The following ECM1 variants were observed in gnomAD, a reference collection of about 807,000 sequenced individuals.
ECM1 encodes the protein secretory component p85.
Under a neutral mutation model 57.9 loss-of-function variants are expected in ECM1, and 54 were observed. The observed-to-expected ratio is 0.93, with a 90% CI of 0.75 to 1.17. The LOEUF is 1.17. Among genes scored for constraint, ECM1 ranks in the 50% most tolerant of loss-of-function variants. The pLI is 0.00. For missense variants in ECM1, 649 were observed against 688.1 expected, an observed-to-expected ratio of 0.94 and a Z score of 0.64; for synonymous variants, 237 against 259.1, an observed-to-expected ratio of 0.91 and a Z score of 0.82.
At chr1:150,508,813 GAAAA>G (rs1670349158) in intron 1 of ECM1, among the ~76,000 whole-genome samples, 1 of 152,056 alleles carries the variant, frequency 6.6e-6, no homozygotes, top group African/African-American at 2.4e-5. Flanking sequence ...AAAAGGAAAA[GAAAA>G]GGAAAAAAAC....
At chr1:150,511,347 CAG>C (rs1266710400) in intron 6 of ECM1, 108 bp from the exon 7 acceptor site, 4 of 1,598,622 alleles carry the variant, frequency 2.5e-6, no homozygotes, top group Non-Finnish European at 2.6e-6. Context: ...GCCAGGGGAG[CAG>C]AGGACAACCA....
chr1:150,512,669 C>CT, intron 8 of ECM1, 56 bp from the exon 9 acceptor site: 2 of 1,610,818 alleles, frequency 1.2e-6, no homozygotes, highest in Non-Finnish European at 1.7e-6. Context: ...CCAACCCCAT[C>CT]TGATGCCAGA....
rs79438522 is a variant in ECM1, at chr1:150,509,256, C to G, written c.71-275C>G. ...CAGAGGAAATGAGGGCCTCCCTCCC[C>G]AATCCCGTATGCCATACTCCCTTTA... On this transcript the variant is annotated intron_variant, in intron 1 of 9. Transcript: ENST00000369047. The G allele has an allele frequency of 1.8e-5, 10 of 544,822 alleles. No individual in the cohort carries two copies. The Admixed American group carries it at 2.8e-4, about 15-fold the overall frequency. The allele number at this position is 544,822 out of a possible 1,614,324, so 33.7% of individuals were successfully genotyped here. A position where few individuals can be genotyped will look rare whatever the true frequency, so the allele number is the denominator to read the frequency against.
Position 150,511,542 on chromosome 1 carries a change from C to T in ECM1, c.794C>T (p.Ala265Val), listed in dbSNP as rs1670441840. Residue 265 changes from alanine (A) to valine (V), a missense_variant, in exon 7 of 10, where the codon GCT becomes GTT. Transcript: ENST00000369047. ...PHWCCTRQGE[A>V]RFSCFQEEAP... ...TGGTGCTGCACGCGGCAGGGGGAGG[C>T]TCGGTTCTCCTGCTTCCAGGAGGAA... The T allele has an allele frequency of 6.2e-7, 1 of 1,614,174 alleles. No individual in the cohort carries two copies. Among genetic ancestry groups the T allele is most frequent in the Non-Finnish European group, 8.5e-7 (1 of 1,180,020 alleles).
Position 150,512,566 on chromosome 1 carries a change from C to A in ECM1, c.1298C>A (p.Thr433Asn). The stretch of plus-strand genomic sequence containing the variant: ...CTCTGTGGAAACCAAAGAGTTCTCA[C>A]CAAGCAGTAAGTTGCCTAGTCCTTC... ...GHLCGNQRVL[T>N]KHKHIPGLIH... is the part of the protein sequence containing the mutation. The change falls in exon 8 of 10, where the codon ACC becomes AAC. Residue 433 changes from threonine (T) to asparagine (N), a missense_variant. Thr to Asn is a moderately conservative substitution (Grantham distance 65, BLOSUM62 0). Transcript: ENST00000369047. The A allele has an allele frequency of 6.2e-7, 1 of 1,613,066 alleles. No individual in the cohort carries two copies. Among genetic ancestry groups the A allele is most frequent in the Non-Finnish European group, 8.5e-7 (1 of 1,180,002 alleles).
intron 7 of ECM1, 49 bp downstream of exon 7, chr1:150,511,880 A>G (rs1259032744): frequency 2.6e-6 from 4 of 1,561,636 alleles, no homozygotes; most frequent in Admixed American, 3.7e-5. Flanking sequence ...CTGCCTGCCC[A>G]TCTTCGACCT....
Position 150,512,333 on chromosome 1 carries a change from C to T in ECM1, c.1084-19C>T, listed in dbSNP as rs1289922879. On this transcript the variant is annotated intron_variant, in intron 7 of 9. Transcript: ENST00000369047. ...GGGCCAAGTGTCCAGCTTCTGACTT[C>T]CCTCTCTCTGGTCCACAGTGGGAGG... The T allele has an allele frequency of 1.2e-6, 2 of 1,611,918 alleles. No homozygotes were observed. The highest frequency in any genetic ancestry group is 1.7e-6 in the Non-Finnish European group (2 of 1,179,116).
rs1481330798 is a variant in ECM1, at chr1:150,512,477, C to CA, written c.1211dup (p.Asn404LysfsTer3). 1 of 1,613,718 alleles carries CA rather than the reference C, an allele frequency of 6.2e-7. No homozygotes were observed. The highest frequency in any genetic ancestry group is 1.3e-5 in the African/African-American group (1 of 74,810). Reference sequence around the variant, plus strand: ...GCTTTGCCCGTCGGGCTCCTTACCCCAACTATGACCGGGACATCTTGACCA... The same window carrying CA: ...GCTTTGCCCGTCGGGCTCCTTACCCCAAACTATGACCGGGACATCTTGACCA... On this transcript the variant is annotated frameshift_variant, in exon 8 of 10. Transcript: ENST00000369047. LOFTEE classifies it high-confidence loss of function.
intron 7 of ECM1, 152 bp from the exon 8 acceptor site, chr1:150,512,200 T>C (rs1670461994): frequency 1.2e-6 from 1 of 858,372 alleles, no homozygotes. Flanking sequence ...CATCAACAGT[T>C]GCCTCCTAAC....
Position 150,513,454 on chromosome 1 carries a change from C to T in ECM1, c.1610C>T (p.Pro537Leu). Residue 537 changes from proline (P) to leucine (L), a missense_variant, in exon 10 of 10, where the codon CCC (proline) becomes CTC (leucine). By Grantham distance (98) the Pro-to-Leu change is moderately conservative. Transcript: ENST00000369047. ...ACAAATATCAGCTCCACCTCTGAGCCCAAGGAAGAATGAGTCACCCCAGAG... is the reference window on the plus strand; with the variant it reads ...ACAAATATCAGCTCCACCTCTGAGCTCAAGGAAGAATGAGTCACCCCAGAG... ...GGTNISSTSE[P>L]KEE 6.2e-7 allele frequency: 1 copy of T among 1,613,088 alleles called. No homozygotes were observed.
Position 150,508,275 on chromosome 1 carries a change from G to A in ECM1, c.66G>A (p.Glu22=). 2 of 1,613,930 alleles carry A rather than the reference G, an allele frequency of 1.2e-6. No individual in the cohort carries two copies. Among genetic ancestry groups the A allele is most frequent in the African/African-American group, 1.3e-5 (1 of 75,062 alleles). The part of the protein sequence containing the change: ...TYLAVASAAS[E]GGFTATGQRQ... ...TGGCTGTTGCTTCTGCTGCCTCTGAGGGAGGTGAGTTGGGGGATCAGCACT... is the reference window on the plus strand; with the variant it reads ...TGGCTGTTGCTTCTGCTGCCTCTGAAGGAGGTGAGTTGGGGGATCAGCACT... Residue 22 remains glutamate (E), a synonymous_variant, in exon 1 of 10, where the codon GAG becomes GAA. Coordinates refer to ENST00000369047, the MANE Select transcript of ECM1 (RefSeq NM_004425.4).
chr1:150,512,078 C>T lies in ECM1; in HGVS notation c.1083+247C>T, dbSNP rs189670538. Among the ~76,000 whole-genome samples, 455 of 151,414 alleles carry T rather than the reference C, an allele frequency of 3.0e-3. 4 individuals carry two copies. Among genetic ancestry groups the T allele is most frequent in the Non-Finnish European group, 4.9e-3 (334 of 67,920 alleles). ...ACGCATCTGTCTACCATCCATCCAT[C>T]CGTCCAGCTCTGGCCTCACCTGACC... On this transcript the variant is annotated intron_variant, in intron 7 of 9. Transcript: ENST00000369047.
rs199951855 is a variant in ECM1 at position 150,511,796 on chromosome 1, C to T, written c.1048C>T (p.Arg350Cys). Residue 350 changes from arginine to cysteine, a missense_variant, in exon 7 of 10, where the codon CGC becomes TGC. Arg to Cys is a radical substitution (Grantham distance 180). Coordinates refer to ENST00000369047, the MANE Select transcript of ECM1 (RefSeq NM_004425.4). ...QLEREFQRCC[R>C]QGNNHTCTWK... ...GGAGAGGGAGTTCCAGCGCTGCTGCCGCCAGGGGAACAATCACACCTGTAC... is the reference window on the plus strand; with the variant it reads ...GGAGAGGGAGTTCCAGCGCTGCTGCTGCCAGGGGAACAATCACACCTGTAC... 4 of 1,612,476 alleles carry T rather than the reference C, an allele frequency of 2.5e-6. No homozygotes were observed. The highest frequency in any genetic ancestry group is 1.7e-5 in the Admixed American group (1 of 59,926).
At position 150,509,752 on chromosome 1, in the gene ECM1, A is replaced by T. The variant is rs775573246; in HGVS notation, c.213A>T (p.Gly71=). ...CTCAGCATGGCCCTCCCTTTGAGGG[A>T]CAGAGTCAAGGTAAGGTCACCATCC... The part of the protein sequence containing the change: ...DSSQHGPPFE[G]QSQVQPPPSQ... Residue 71 remains glycine, a synonymous_variant, in exon 3 of 10, where the codon GGA becomes GGT. Transcript: ENST00000369047. 2 of 1,552,318 alleles carry T rather than the reference A, an allele frequency of 1.3e-6. No individual in the cohort carries two copies. Among genetic ancestry groups the T allele is most frequent in the Non-Finnish European group, 1.7e-6 (2 of 1,144,564 alleles).
At chr1:150,510,537 G>A in intron 5 of ECM1, 3 of 548,368 alleles carry the variant, frequency 5.5e-6, no homozygotes, top group South Asian at 2.1e-5. Context: ...ATCAGGAGGA[G>A]ATAATCATCC....
At chr1:150,511,245 A>G (rs1670432338) in intron 6 of ECM1, 47 bp downstream of exon 6, 1 of 1,610,004 alleles carries the variant, frequency 6.2e-7, no homozygotes, top group African/African-American at 1.3e-5. Flanking sequence ...AACCCCAGAC[A>G]GTATGTGTGT....
At chr1:150,510,605 T>C (rs1670409268) in intron 5 of ECM1, 1 of 578,066 alleles carries the variant, frequency 1.7e-6, no homozygotes, top group Non-Finnish European at 3.1e-6. Context: ...CCTGCCTTAG[T>C]GCTCAGGACC....
Position 150,511,563 on chromosome 1 carries a change from A to G in ECM1, c.815A>G (p.Glu272Gly). ...GAGGCTCGGTTCTCCTGCTTCCAGG[A>G]GGAAGCTCCCCAGCCACACTACCAG... ...QGEARFSCFQ[E>G]EAPQPHYQLR... Residue 272 changes from glutamate to glycine, a missense_variant, in exon 7 of 10, where the codon GAG becomes GGG. Coordinates refer to ENST00000369047, the MANE Select transcript of ECM1 (RefSeq NM_004425.4). The G allele has an allele frequency of 6.2e-7, 1 of 1,614,118 alleles. No homozygotes were observed. The highest frequency in any genetic ancestry group is 1.3e-5 in the African/African-American group (1 of 75,022).
At position 150,512,487 on chromosome 1, in the gene ECM1, C is replaced by G. The variant is rs771257727; in HGVS notation, c.1219C>G (p.Arg407Gly). ...ARRAPYPNYD[R>G]DILTIDIGRV... is the part of the protein sequence containing the mutation. Reference sequence around the variant, plus strand: ...TCGGGCTCCTTACCCCAACTATGACCGGGACATCTTGACCATTGACATCGG... The same window carrying G: ...TCGGGCTCCTTACCCCAACTATGACGGGGACATCTTGACCATTGACATCGG... Residue 407 changes from arginine to glycine, a missense_variant, in exon 8 of 10, where the codon CGG becomes GGG. By Grantham distance (125) the Arg-to-Gly change is moderately radical. Transcript: ENST00000369047. The G allele has an allele frequency of 6.2e-7, 1 of 1,613,702 alleles. No homozygotes were observed. The highest frequency in any genetic ancestry group is 8.5e-7 in the Non-Finnish European group (1 of 1,180,006).
Sources: allele counts gnomAD v4.1 joint callset (sites outside exome capture counted in the v4.1 genomes callset), GRCh38; gene constraint gnomAD v4.1.1; transcripts MANE v1.5; gene names NCBI Gene and HGNC (gene_info 2026-07-23, HGNC 2026-07-21).